PIK3C2G: variants seen among roughly 807,000 people sequenced by gnomAD.
PIK3C2G encodes phosphatidylinositol 3-kinase C2 domain-containing subunit gamma.
In PIK3C2G, 168 loss-of-function variants were observed where a neutral mutation model predicts 181.1. The observed-to-expected ratio is 0.93, with a 90% confidence interval of 0.82 to 1.05. The LOEUF is 1.05. PIK3C2G is among the 50% of genes least tolerant of loss of function. The probability of loss-of-function intolerance (pLI) is 0.00; values close to 1 mark genes in which losing one functional copy is unlikely to be tolerated. For synonymous variants in PIK3C2G, 573 were observed against 592.2 expected (o/e 0.97, Z 0.47); for missense variants, 1,869 against 1,732.8 (o/e 1.08, Z -1.40).
chr12:18,433,075 C>G (rs1946253472), intron 18 of PIK3C2G, among the ~76,000 whole-genome samples: 1 of 151,872 alleles, frequency 6.6e-6, no homozygotes, highest in Non-Finnish European at 1.5e-5. Context: ...TAGTTGTTGG[C>G]ATGACTCACA....
At chr12:18,268,976 G>A (rs185250979) in intron 1 of PIK3C2G, among the ~76,000 whole-genome samples, 3 of 151,856 alleles carry the variant, frequency 2.0e-5, no homozygotes, top group Admixed American at 2.0e-4. Context: ...GTGCAGTGGT[G>A]CATATCAGTG....
chr12:18,488,285 T>C (rs922343507), intron 18 of PIK3C2G, among the ~76,000 whole-genome samples, 164 bp from the exon 19 acceptor site: 2 of 152,094 alleles, frequency 1.3e-5, no homozygotes, highest in Non-Finnish European at 2.9e-5. Context: ...AGATGGAACT[T>C]GATGACTGTC....
intron 1 of PIK3C2G, among the ~76,000 whole-genome samples, chr12:18,270,250 A>T (rs1948692514): frequency 6.6e-6 from 1 of 152,176 alleles, no homozygotes. Context: ...ACACTATGGA[A>T]GGCAGTTATT....
At chr12:18,700,537 T>A in the PIK3C2G span, among the ~76,000 whole-genome samples, 1,857 of 30,698 alleles carry the variant, frequency 0.06, 6 homozygotes, top group Non-Finnish European at 0.083. Flanking sequence ...AAAAAAAAAA[T>A]AGTTGCTCTG....
chr12:18,658,226 T>C, the PIK3C2G span, among the ~76,000 whole-genome samples: 1 of 152,124 alleles, frequency 6.6e-6, no homozygotes, highest in African/African-American at 2.4e-5. Flanking sequence ...AACATTTGCA[T>C]ATTAGGCATC....
intron 5 of PIK3C2G, among the ~76,000 whole-genome samples, chr12:18,305,530 G>C (rs1950383842): frequency 6.6e-6 from 1 of 151,996 alleles, no homozygotes; most frequent in Admixed American, 6.6e-5. Context: ...CAAAAGCACT[G>C]TCTATTTTTC....
chr12:18,518,554 T>G (rs1225014719), intron 24 of PIK3C2G, among the ~76,000 whole-genome samples: 1 of 152,224 alleles, frequency 6.6e-6, no homozygotes, highest in Non-Finnish European at 1.5e-5. Flanking sequence ...GATGGTAGTT[T>G]GTATTTCTGT....
intron 29 of PIK3C2G, among the ~76,000 whole-genome samples, chr12:18,584,035 GTT>G (rs71064007): frequency 2.1e-5 from 3 of 146,194 alleles, no homozygotes; most frequent in South Asian, 2.2e-4. Flanking sequence ...TTGTTTTTTT[GTT>G]TTTTTTTTTG....
chr12:18,313,975 G>C lies in PIK3C2G; in HGVS notation c.1048G>C (p.Gly350Arg). ...TTCCTCCTTCAGCGACCACTGTTTG[G>C]GGAGCCACAAAATGTTTCAAAAAGA... ...EEFLQNDHCLGSHKMFQKDKS... is the reference protein window; with the variant it reads ...EEFLQNDHCLRSHKMFQKDKS... Residue 350 changes from glycine to arginine, a missense_variant, in exon 6 of 33, where the codon GGG becomes CGG. Gly to Arg is a moderately radical substitution (Grantham distance 125, BLOSUM62 -2). Transcript: ENST00000538779. The C allele has an allele frequency of 6.3e-7, 1 of 1,579,796 alleles. No individual in the cohort carries two copies. The highest frequency in any genetic ancestry group is 1.3e-5 in the African/African-American group (1 of 74,260).
intron 25 of PIK3C2G, among the ~76,000 whole-genome samples, chr12:18,545,067 T>G (rs1944352751): frequency 6.6e-6 from 1 of 151,852 alleles, no homozygotes; most frequent in Admixed American, 6.6e-5. Context: ...TTAAAGAGCT[T>G]TCTTGTTTTT....
intron 30 of PIK3C2G, among the ~76,000 whole-genome samples, chr12:18,595,003 C>T (rs1391788018): frequency 6.6e-6 from 1 of 151,942 alleles, no homozygotes; most frequent in African/African-American, 2.4e-5. Flanking sequence ...TTTCTTACAT[C>T]ATAGAATATT....
At chr12:18,703,303 A>G in the PIK3C2G span, among the ~76,000 whole-genome samples, 58 of 152,236 alleles carry the variant, frequency 3.8e-4, no homozygotes, top group Non-Finnish European at 7.2e-4. Context: ...CATCAGCCCT[A>G]TATGTCTTGT....
At chr12:18,656,423 G>T in the PIK3C2G span, among the ~76,000 whole-genome samples, 3 of 152,050 alleles carry the variant, frequency 2.0e-5, no homozygotes, top group South Asian at 2.1e-4. Flanking sequence ...AAAATTAGCT[G>T]GGCATGGTGG....
At chr12:18,421,949 G>A (rs1945511070) in intron 17 of PIK3C2G, among the ~76,000 whole-genome samples, 1 of 152,054 alleles carries the variant, frequency 6.6e-6, no homozygotes, top group South Asian at 2.1e-4. Context: ...AGAAATAGCT[G>A]TACCAGAGAG....
At position 18,609,764 on chromosome 12, in the gene PIK3C2G, A is replaced by C. The variant is rs1948241349; in HGVS notation, c.4182+135A>C. ...AGTTTAAGTAAGAAACAATGAGCCA[A>C]TTACAATATTTTTGCCTCGGGATGA... On this transcript the variant is annotated intron_variant, in intron 31 of 32. Transcript: ENST00000538779. 2.4e-5 allele frequency: 14 copies of C among 594,030 alleles called. No homozygotes were observed. The South Asian group carries it at 2.9e-4, about 12-fold the overall frequency. The allele number at this position is 594,030 out of a possible 1,614,324, so 36.8% of individuals were successfully genotyped here. A position where few individuals can be genotyped will look rare whatever the true frequency, so the allele number is the denominator to read the frequency against.
At chr12:18,605,256 C>G (rs771408564) in intron 30 of PIK3C2G, among the ~76,000 whole-genome samples, 7 of 152,042 alleles carry the variant, frequency 4.6e-5, no homozygotes, top group Non-Finnish European at 7.4e-5. Flanking sequence ...ACTATGAACA[C>G]CTTTACACAC....
chr12:18,398,213 T>C (rs1408889816), intron 15 of PIK3C2G, among the ~76,000 whole-genome samples: 1 of 152,152 alleles, frequency 6.6e-6, no homozygotes, highest in Non-Finnish European at 1.5e-5. Flanking sequence ...CTGCGGAATG[T>C]CCTTGAATGT....
chr12:18,567,101 T>A (rs750671625), intron 29 of PIK3C2G, 44 bp downstream of exon 29: 1 of 885,056 alleles, frequency 1.1e-6, no homozygotes, highest in Non-Finnish European at 1.8e-6. Context: ...AAACATCAAC[T>A]ATTTTATATT....
chr12:18,627,258 T>C (rs1949144508), intron 31 of PIK3C2G, among the ~76,000 whole-genome samples: 1 of 152,130 alleles, frequency 6.6e-6, no homozygotes, highest in Non-Finnish European at 1.5e-5. Flanking sequence ...CTCAAACTTC[T>C]CATTTTGTTC....
Sources: allele counts gnomAD v4.1 joint callset (sites outside exome capture counted in the v4.1 genomes callset), GRCh38; gene constraint gnomAD v4.1.1; transcripts MANE v1.5; gene names NCBI Gene and HGNC (gene_info 2026-07-23, HGNC 2026-07-21).